The following ALPL variants were observed in gnomAD, a reference collection of about 807,000 sequenced individuals.
ALPL encodes alkaline phosphatase, tissue-nonspecific isozyme.
Under a neutral mutation model 51.3 loss-of-function variants are expected in ALPL, and 42 were observed. The observed-to-expected ratio is 0.82, with a 90% CI of 0.64 to 1.06. The LOEUF (loss-of-function observed/expected upper bound fraction) is 1.06, where lower values mean the gene tolerates loss of function less well. ALPL is among the 50% of genes least tolerant of loss of function. ALPL has a pLI of 0.00. For missense variants in ALPL, 589 were observed against 709.4 expected (o/e 0.83, Z 1.93); for synonymous variants, 279 against 296.4 (o/e 0.94, Z 0.60).
chr1:21,562,247 C>G (rs777307825), intron 4 of ALPL, among the ~76,000 whole-genome samples: 3 of 152,166 alleles, frequency 2.0e-5, no homozygotes, highest in Non-Finnish European at 1.5e-5. Flanking sequence ...CTAAAAAACG[C>G]TAATGAAGTG....
At chr1:21,576,105 A>C (rs1012488035) in intron 10 of ALPL, among the ~76,000 whole-genome samples, 181 bp downstream of exon 10, 4 of 151,938 alleles carry the variant, frequency 2.6e-5, no homozygotes, top group African/African-American at 7.3e-5. Flanking sequence ...GAGTGAGTTG[A>C]GTGGTGGTCG....
intron 1 of ALPL, among the ~76,000 whole-genome samples, chr1:21,539,599 G>A (rs1263985563): frequency 2.0e-5 from 3 of 151,388 alleles, no homozygotes; most frequent in Non-Finnish European, 4.4e-5. Context: ...TGCCCCTGAT[G>A]TGCTGTGTGA....
chr1:21,519,894 A>G lies in ALPL; in HGVS notation c.-105+10377A>G, dbSNP rs141162130. Among the ~76,000 whole-genome samples the G allele has an allele frequency of 7.5e-3, 1,146 of 152,244 alleles. 45 individuals carry two copies. Among genetic ancestry groups the G allele is most frequent in the Admixed American group, 0.062 (953 of 15,292 alleles). On this transcript the variant is annotated intron_variant, in intron 1 of 11. Coordinates refer to ENST00000374840, the MANE Select transcript of ALPL (RefSeq NM_000478.6). ...TAAACCCTGCACCAAGGAATTAGGT[A>G]CCCCACCTGTTCCCTAGGCCTTCTG...
At chr1:21,520,465 T>C (rs972423924) in intron 1 of ALPL, among the ~76,000 whole-genome samples, 2 of 107,294 alleles carry the variant, frequency 1.9e-5, no homozygotes, top group African/African-American at 6.9e-5. Flanking sequence ...TTCTTTTTTC[T>C]CTTTTTTTTT....
chr1:21,574,035 G>A (rs1335315643), intron 9 of ALPL: 1 of 985,336 alleles, frequency 1.0e-6, no homozygotes. Context: ...AAGGCTTCCT[G>A]GGAGAGGAGG....
chr1:21,535,945 T>G (rs993149954), intron 1 of ALPL, among the ~76,000 whole-genome samples: 4 of 152,164 alleles, frequency 2.6e-5, no homozygotes, highest in African/African-American at 9.7e-5. Context: ...GAAATGGGTG[T>G]AGTGGTATTC....
chr1:21,511,964 A>C (rs1447545938), intron 1 of ALPL, among the ~76,000 whole-genome samples: 2 of 152,234 alleles, frequency 1.3e-5, no homozygotes, highest in South Asian at 4.1e-4. Context: ...ATCTCTGGGC[A>C]TATGAGGCCT....
intron 1 of ALPL, among the ~76,000 whole-genome samples, chr1:21,527,801 C>T (rs1409595173): frequency 2.6e-5 from 4 of 151,870 alleles, no homozygotes; most frequent in East Asian, 3.9e-4. Flanking sequence ...CCGTCCACCT[C>T]GGCCTCCCAA....
chr1:21,518,333 C>T (rs1643840394), intron 1 of ALPL, among the ~76,000 whole-genome samples: 1 of 152,254 alleles, frequency 6.6e-6, no homozygotes, highest in African/African-American at 2.4e-5. Context: ...TTGTTACGCA[C>T]CAAGCCACTC....
At chr1:21,532,896 G>A (rs1458935157) in intron 1 of ALPL, among the ~76,000 whole-genome samples, 2 of 152,310 alleles carry the variant, frequency 1.3e-5, no homozygotes, top group Middle Eastern at 3.4e-3. Context: ...CAACTAATTG[G>A]CTGTGTGACT....
intron 1 of ALPL, among the ~76,000 whole-genome samples, chr1:21,545,183 G>C (rs1353770989): frequency 6.6e-6 from 1 of 152,142 alleles, no homozygotes; most frequent in Non-Finnish European, 1.5e-5. Flanking sequence ...TTTAAGTTCA[G>C]CCTAGCAGTT....
At chr1:21,577,331 G>A (rs765198693) in intron 11 of ALPL, 52 bp from the exon 12 acceptor site, 32 of 1,612,042 alleles carry the variant, frequency 2.0e-5, no homozygotes, top group Non-Finnish European at 2.5e-5. Context: ...AGCTGCGTGC[G>A]CAGCGCCAGG....
chr1:21,570,446 C>A, intron 8 of ALPL, 72 bp downstream of exon 8: 1 of 1,513,504 alleles, frequency 6.6e-7, no homozygotes, highest in Non-Finnish European at 9.1e-7. Context: ...TGGCCAGCAC[C>A]TGGGGACAAG....
intron 1 of ALPL, among the ~76,000 whole-genome samples, chr1:21,549,808 A>C (rs892865371): frequency 7.2e-5 from 11 of 152,192 alleles, no homozygotes; most frequent in Non-Finnish European, 1.6e-4. Context: ...ATAGTTCCCC[A>C]AAAAGCAAAA....
intron 3 of ALPL, 144 bp downstream of exon 3, chr1:21,560,889 G>A (rs548452151): frequency 1.7e-6 from 2 of 1,192,190 alleles, no homozygotes; most frequent in South Asian, 1.4e-5. Context: ...CCAGGCTGTG[G>A]ATTCAAGAGG....
rs566307521 is a variant in ALPL at position 21,537,044 on chromosome 1, C to T, written c.-104-16934C>T. On this transcript the variant is annotated intron_variant, in intron 1 of 11. Transcript: ENST00000374840. ...CCTGAGTAGCTGGGATTATTGGCGC[C>T]CGCCACCACGCCTGGCTAATTTTTT... Among the ~76,000 whole-genome samples the T allele has an allele frequency of 2.0e-4, 30 of 152,058 alleles. No homozygotes were observed. The South Asian group carries it at 6.0e-3, about 30-fold the overall frequency.
intron 1 of ALPL, among the ~76,000 whole-genome samples, chr1:21,553,678 G>A (rs1227723268): frequency 2.0e-5 from 3 of 152,218 alleles, no homozygotes; most frequent in Non-Finnish European, 4.4e-5. Context: ...TGCACCAAAA[G>A]ATTGGACTCT....
At chr1:21,567,674 G>A (rs899604079) in intron 6 of ALPL, among the ~76,000 whole-genome samples, 2 of 152,184 alleles carry the variant, frequency 1.3e-5, no homozygotes, top group African/African-American at 4.8e-5. Context: ...GGCCTTCGGG[G>A]GAAAAAACCA....
At chr1:21,541,966 C>T (rs1558537250) in intron 1 of ALPL, among the ~76,000 whole-genome samples, 1 of 152,176 alleles carries the variant, frequency 6.6e-6, no homozygotes, top group Non-Finnish European at 1.5e-5. Flanking sequence ...GGCCCACTGC[C>T]CTCTAGGGAA....
Sources: gnomAD v4.1 joint callset for allele counts (sites outside exome capture counted in the v4.1 genomes callset) on GRCh38, gnomAD v4.1.1 for gene constraint, MANE v1.5 for transcripts, NCBI Gene and HGNC (gene_info 2026-07-23, HGNC 2026-07-21) for gene names.